TRAPPC9: variants seen among roughly 807,000 people sequenced by gnomAD.
The protein encoded by TRAPPC9 is IKK2 binding protein.
A neutral mutation model predicts 124.0 loss-of-function variants in TRAPPC9; 83 were observed. The ratio of observed to expected loss-of-function variants is 0.67; its 90% CI spans 0.56 to 0.80. TRAPPC9 has a LOEUF of 0.80. Ranked by LOEUF, TRAPPC9 falls within the 30% of genes least tolerant of loss-of-function variation. The probability of loss-of-function intolerance (pLI) is 0.00; values close to 1 mark genes in which losing one functional copy is unlikely to be tolerated. For missense variants in TRAPPC9, 1,302 were observed against 1,508.3 expected, an observed-to-expected ratio of 0.86 and a Z score of 2.27; for synonymous variants, 638 against 617.5, an observed-to-expected ratio of 1.03 and a Z score of -0.49.
chr8:140,176,597 C>T (rs1044693071), intron 17 of TRAPPC9, among the ~76,000 whole-genome samples: 1 of 152,102 alleles, frequency 6.6e-6, no homozygotes, highest in African/African-American at 2.4e-5. Context: ...CAGTTTGGGG[C>T]TATTATGAAT....
chr8:139,934,333 G>A (rs1020238493), intron 19 of TRAPPC9, among the ~76,000 whole-genome samples: 16 of 152,164 alleles, frequency 1.1e-4, no homozygotes, highest in Non-Finnish European at 1.6e-4. Flanking sequence ...CGCACAGCAG[G>A]AGCGTGCACA....
chr8:139,891,621 G>T (rs1830351312), intron 20 of TRAPPC9, among the ~76,000 whole-genome samples: 1 of 152,226 alleles, frequency 6.6e-6, no homozygotes, highest in Non-Finnish European at 1.5e-5. Flanking sequence ...GGGATTGGCT[G>T]CACCCTGCTC....
At chr8:139,775,036 C>T (rs1469110710) in intron 21 of TRAPPC9, among the ~76,000 whole-genome samples, 2 of 152,184 alleles carry the variant, frequency 1.3e-5, no homozygotes, top group African/African-American at 2.4e-5. Flanking sequence ...TCCAAAGGGG[C>T]TCTGGTCCCC....
chr8:140,220,171 C>G (rs557730826), intron 17 of TRAPPC9, among the ~76,000 whole-genome samples: 2 of 152,218 alleles, frequency 1.3e-5, no homozygotes, highest in African/African-American at 4.8e-5. Context: ...AACAGCAACA[C>G]GCAGCGCCAG....
chr8:139,753,299 A>ACCAT (rs1819487155), intron 21 of TRAPPC9, among the ~76,000 whole-genome samples: 1 of 139,304 alleles, frequency 7.2e-6, no homozygotes, highest in African/African-American at 2.8e-5. Flanking sequence ...CCACCCATCT[A>ACCAT]CCGTCCATCC....
At chr8:140,071,242 G>A (rs1290421064) in intron 17 of TRAPPC9, among the ~76,000 whole-genome samples, 1 of 152,134 alleles carries the variant, frequency 6.6e-6, no homozygotes, top group Admixed American at 6.5e-5. Context: ...TGTGCCTGAT[G>A]GACTGAGCTG....
intron 21 of TRAPPC9, among the ~76,000 whole-genome samples, chr8:139,807,282 T>C (rs1397552104): frequency 1.3e-5 from 2 of 152,166 alleles, no homozygotes; most frequent in Non-Finnish European, 2.9e-5. Flanking sequence ...ACCAGCCAGT[T>C]ACAGGGATCA....
rs148909256 is a variant in TRAPPC9 at position 139,988,742 on chromosome 8, C to T, written c.2794G>A (p.Ala932Thr). The change falls in exon 19 of 23, where the codon GCC becomes ACC. Residue 932 changes from alanine (A) to threonine (T), a missense_variant. Ala to Thr is a moderately conservative substitution (Grantham distance 58). This residue lies in a region of TRAPPC9 where 640 missense variants were observed against 679.3 expected (regional missense o/e 0.94). Transcript: ENST00000438773. ...GACACTTACCGCTGGCACTCACCGG[C>T]GTGCAGGATGAGTGCCTCGCTGCTC... Reference protein sequence around the residue: ...TRSSEALILHAGECQRMAIQV... With the variant: ...TRSSEALILHTGECQRMAIQV... 180 of 1,550,186 alleles carry T rather than the reference C, an allele frequency of 1.2e-4. No homozygotes were observed. In the African/African-American group the frequency reaches 1.7e-3, roughly 15 times the overall value.
intron 18 of TRAPPC9, among the ~76,000 whole-genome samples, chr8:140,018,552 C>T (rs960613560): frequency 1.8e-4 from 28 of 152,052 alleles, no homozygotes; most frequent in Non-Finnish European, 2.9e-4. Context: ...TGGTCTCGAT[C>T]TCCTGACCTT....
At chr8:140,208,530 A>G (rs1201299901) in intron 17 of TRAPPC9, among the ~76,000 whole-genome samples, 1 of 152,246 alleles carries the variant, frequency 6.6e-6, no homozygotes, top group Non-Finnish European at 1.5e-5. Context: ...GTTAACGCAG[A>G]TGCCACTGCC....
intron 7 of TRAPPC9, among the ~76,000 whole-genome samples, chr8:140,387,467 T>G (rs113661543): frequency 6.6e-6 from 1 of 151,458 alleles, no homozygotes; most frequent in Non-Finnish European, 1.5e-5. Context: ...ATTTTTGCAA[T>G]CTACTCATCT....
At chr8:140,207,362 T>A (rs1051922228) in intron 17 of TRAPPC9, among the ~76,000 whole-genome samples, 1 of 152,252 alleles carries the variant, frequency 6.6e-6, no homozygotes, top group Non-Finnish European at 1.5e-5. Context: ...TGACGTTGTC[T>A]CTATTTAAAC....
At chr8:139,817,613 C>T (rs548588990) in intron 21 of TRAPPC9, among the ~76,000 whole-genome samples, 2 of 152,232 alleles carry the variant, frequency 1.3e-5, no homozygotes, top group African/African-American at 2.4e-5. Flanking sequence ...CGGCAGCAGG[C>T]GCCACGTGGC....
chr8:140,429,772 C>T (rs1449089205), intron 4 of TRAPPC9, among the ~76,000 whole-genome samples: 2 of 151,942 alleles, frequency 1.3e-5, no homozygotes, highest in Admixed American at 6.6e-5. Flanking sequence ...TGCCATTGCA[C>T]TCCAGCCTGG....
intron 21 of TRAPPC9, among the ~76,000 whole-genome samples, chr8:139,856,596 G>T (rs749474788): frequency 6.6e-6 from 1 of 152,156 alleles, no homozygotes; most frequent in African/African-American, 2.4e-5. Flanking sequence ...ACAGCGGCGG[G>T]GGGTGGCGTG....
chr8:139,741,483 T>C (rs1818556495), intron 21 of TRAPPC9, among the ~76,000 whole-genome samples: 1 of 152,056 alleles, frequency 6.6e-6, no homozygotes, highest in Non-Finnish European at 1.5e-5. Flanking sequence ...CTGGTTTTGT[T>C]GTTTTTGTTG....
chr8:139,744,001 T>C (rs571913096), intron 21 of TRAPPC9, among the ~76,000 whole-genome samples: 141 of 152,294 alleles, frequency 9.3e-4, no homozygotes, highest in Non-Finnish European at 1.7e-3. Flanking sequence ...TCACAGCCAC[T>C]GCCACACAAG....
chr8:140,424,154 GT>G (rs370914597), intron 5 of TRAPPC9, among the ~76,000 whole-genome samples: 1 of 150,470 alleles, frequency 6.6e-6, no homozygotes, highest in South Asian at 2.1e-4. Context: ...TTGTTTGTTT[GT>G]TTTTTTAAAA....
At chr8:139,817,471 T>G (rs980773235) in intron 21 of TRAPPC9, among the ~76,000 whole-genome samples, 3 of 152,190 alleles carry the variant, frequency 2.0e-5, no homozygotes, top group African/African-American at 7.2e-5. Flanking sequence ...TGCGATTCAG[T>G]GCTGCTCCAG....
Sources: allele counts gnomAD v4.1 joint callset (sites outside exome capture counted in the v4.1 genomes callset), GRCh38; gene constraint gnomAD v4.1.1; regional missense constraint gnomAD v4.1.1; transcripts MANE v1.5; gene names NCBI Gene and HGNC (gene_info 2026-07-23, HGNC 2026-07-21).